TJP1: variants seen among roughly 807,000 people sequenced by gnomAD.
The protein encoded by TJP1 is tight junction protein ZO-1.
Under a neutral mutation model 194.2 loss-of-function variants are expected in TJP1, and 43 were observed. The observed-to-expected ratio is 0.22, with a 90% CI of 0.17 to 0.29. TJP1 has a LOEUF of 0.29. TJP1 is among the 10% of genes least tolerant of loss of function. The pLI is 1.00. For missense variants in TJP1, 1,971 were observed against 2,185.7 expected (o/e 0.90, Z 1.96); for synonymous variants, 801 against 779.0 (o/e 1.03, Z -0.47).
chr15:29,820,609 G>C, intron 1 of TJP1: 1 of 715,916 alleles, frequency 1.4e-6, no homozygotes, highest in South Asian at 1.5e-5. Context: ...TGCATATTAA[G>C]TACCAGAGAT....
intron 2 of TJP1, among the ~76,000 whole-genome samples, chr15:29,880,625 C>G (rs1161693567): frequency 5.9e-5 from 9 of 152,176 alleles, no homozygotes; most frequent in Admixed American, 5.9e-4. Context: ...CCCTGGCAAC[C>G]ACTATTGTAT....
At chr15:29,774,019 T>C (rs1353657482) in intron 2 of TJP1, among the ~76,000 whole-genome samples, 1 of 152,168 alleles carries the variant, frequency 6.6e-6, no homozygotes, top group Non-Finnish European at 1.5e-5. Context: ...AAATTCAAAA[T>C]ATTTTCCAGG....
intron 1 of TJP1, chr15:29,820,579 T>G (rs1209829663): frequency 1.4e-6 from 1 of 716,636 alleles, no homozygotes; most frequent in African/African-American, 1.7e-5. Flanking sequence ...TGAAATAACC[T>G]CTTAAAAAGT....
exon 1 of TJP1, chr15:29,968,889 G>T: frequency 3.1e-6 from 1 of 323,994 alleles, no homozygotes; most frequent in Non-Finnish European, 4.4e-6. Context: ...CCGCTCCCGC[G>T]CCCGCCGCAC....
chr15:29,798,497 T>C (rs1438354232), intron 2 of TJP1, among the ~76,000 whole-genome samples: 2 of 152,124 alleles, frequency 1.3e-5, no homozygotes, highest in Non-Finnish European at 2.9e-5. Flanking sequence ...GTTTTGAATT[T>C]TGCATTTTAG....
intron 8 of TJP1, among the ~76,000 whole-genome samples, chr15:29,756,083 G>T (rs78168028): frequency 6.6e-6 from 1 of 152,046 alleles, no homozygotes; most frequent in Non-Finnish European, 1.5e-5. Flanking sequence ...ATCATACCCT[G>T]CAAATCAAAT....
intron 1 of TJP1, among the ~76,000 whole-genome samples, chr15:29,960,684 C>T (rs1221139830): frequency 6.6e-6 from 1 of 150,710 alleles, no homozygotes; most frequent in South Asian, 2.1e-4. Context: ...TGGTGTATAC[C>T]AGGTGAAAAT....
At chr15:29,965,166 G>A (rs2056288833) in intron 1 of TJP1, among the ~76,000 whole-genome samples, 1 of 151,292 alleles carries the variant, frequency 6.6e-6, no homozygotes, top group African/African-American at 2.4e-5. Context: ...GCCTTGACCA[G>A]TTTTCATAAT....
intron 2 of TJP1, among the ~76,000 whole-genome samples, chr15:29,934,047 T>C (rs1275445796): frequency 6.6e-6 from 1 of 152,202 alleles, no homozygotes; most frequent in Non-Finnish European, 1.5e-5. Flanking sequence ...TCCCTCATTA[T>C]GTCTTTGCTT....
chr15:29,919,671 T>A (rs1427741652), intron 2 of TJP1, among the ~76,000 whole-genome samples: 1 of 151,842 alleles, frequency 6.6e-6, no homozygotes, highest in Non-Finnish European at 1.5e-5. Context: ...ATTTTGGGGG[T>A]CTGGAGAGAG....
At chr15:29,869,181 A>G (rs1272341304) in intron 2 of TJP1, among the ~76,000 whole-genome samples, 1 of 152,248 alleles carries the variant, frequency 6.6e-6, no homozygotes, top group Non-Finnish European at 1.5e-5. Flanking sequence ...AAATGAAGCC[A>G]TAAGAGAAAG....
At chr15:29,949,559 ACCTCCACTT>A (rs2055511262) in intron 2 of TJP1, among the ~76,000 whole-genome samples, 2 of 102,360 alleles carry the variant, frequency 2.0e-5, no homozygotes, top group Non-Finnish European at 2.0e-5. Flanking sequence ...CACAACCACC[ACCTCCACTT>A]CCACAACCAC....
chr15:29,900,535 G>A (rs1002446275), intron 2 of TJP1, among the ~76,000 whole-genome samples: 7 of 152,192 alleles, frequency 4.6e-5, no homozygotes, highest in Non-Finnish European at 8.8e-5. Flanking sequence ...TTCCAAAAGT[G>A]CAGCCTCTGC....
chr15:29,724,172 C>A (rs2043100755), intron 18 of TJP1, among the ~76,000 whole-genome samples: 2 of 151,822 alleles, frequency 1.3e-5, no homozygotes, highest in South Asian at 4.2e-4. Flanking sequence ...CGTTAAGACT[C>A]TGACCTTGAG....
At position 29,727,970 on chromosome 15, in the gene TJP1, A is replaced by G; in HGVS notation, c.2067T>C (p.Ile689=). 1 of 1,614,200 alleles carries G rather than the reference A, an allele frequency of 6.2e-7. No individual in the cohort carries two copies. Among genetic ancestry groups the G allele is most frequent in the Non-Finnish European group, 8.5e-7 (1 of 1,180,020 alleles). The part of the protein sequence containing the change: ...AGTDQRSSGI[I]RLHTIKQIID... ...TGATTTGCTTTATTGTATGCAGGCG[A>G]ATAATGCCAGAGCTACGTTGGTCAG... The change falls in exon 16 of 28, where the codon ATT becomes ATC. Residue 689 remains isoleucine, a synonymous_variant. Coordinates refer to ENST00000614355, the MANE Select transcript of TJP1 (RefSeq NM_001330239.4).
chr15:29,730,161 A>G (rs1420117863), intron 15 of TJP1, among the ~76,000 whole-genome samples: 1 of 152,244 alleles, frequency 6.6e-6, no homozygotes, highest in Non-Finnish European at 1.5e-5. Flanking sequence ...AAACTTTGCC[A>G]AAATATGCTT....
chr15:29,733,122 C>T lies in TJP1; in HGVS notation c.1708G>A (p.Glu570Lys), dbSNP rs578180689. 3.3e-5 allele frequency: 53 copies of T among 1,614,070 alleles called. No individual in the cohort carries two copies. The South Asian group carries it at 5.1e-4, about 15-fold the overall frequency. The change falls in exon 13 of 28, where the codon GAA becomes AAA. Residue 570 changes from glutamate (E) to lysine (K), a missense_variant. By Grantham distance (56) the Glu-to-Lys change is moderately conservative. This residue lies in a region of TJP1 where 402 missense variants were observed against 484.2 expected (regional missense o/e 0.83). Coordinates refer to ENST00000614355, the MANE Select transcript of TJP1 (RefSeq NM_001330239.4). ...IRIGKNHKEVERGIIPNKNRA... is the reference protein window; with the variant it reads ...IRIGKNHKEVKRGIIPNKNRA... ...TTCTTATTAGGGATGATGCCTCGTT[C>T]TACCTCCTTATGATTTTTACCAATT...
chr15:29,820,749 C>T (rs183443319), intron 1 of TJP1: 6 of 585,884 alleles, frequency 1.0e-5, no homozygotes, highest in Non-Finnish European at 1.8e-5. Flanking sequence ...TGCCTTTTAT[C>T]CTAAATCTCT....
intron 27 of TJP1, 89 bp downstream of exon 27, chr15:29,704,073 T>C: frequency 1.4e-6 from 2 of 1,393,760 alleles, no homozygotes; most frequent in Admixed American, 2.2e-5. Context: ...AGAGATTTGC[T>C]AACACACAGC....
Sources: gnomAD v4.1 joint callset for allele counts (sites outside exome capture counted in the v4.1 genomes callset) on GRCh38, gnomAD v4.1.1 for gene constraint, gnomAD v4.1.1 regional missense constraint, MANE v1.5 for transcripts, NCBI Gene and HGNC (gene_info 2026-07-23, HGNC 2026-07-21) for gene names.